ARSB: variants seen among roughly 807,000 people sequenced by gnomAD.
ARSB encodes the protein N-acetylgalactosamine-4-sulfatase.
ARSB carries 41 observed loss-of-function variants against 50.9 expected under a neutral mutation model. The ratio of observed to expected loss-of-function variants is 0.81; its 90% CI spans 0.63 to 1.04. The LOEUF is 1.04. ARSB is among the 50% of genes least tolerant of loss of function. The pLI is 0.00. For synonymous variants in ARSB, 269 were observed against 284.8 expected, an observed-to-expected ratio of 0.94 and a Z score of 0.56; for missense variants, 672 against 693.3, an observed-to-expected ratio of 0.97 and a Z score of 0.35.
At chr5:78,797,162 G>A (rs1441056702) in intron 6 of ARSB, among the ~76,000 whole-genome samples, 1 of 152,132 alleles carries the variant, frequency 6.6e-6, no homozygotes, top group Non-Finnish European at 1.5e-5. Context: ...ACAGGCGTGA[G>A]CCACCGCGCC....
chr5:78,934,963 T>C (rs1750513632), intron 4 of ARSB, among the ~76,000 whole-genome samples: 1 of 152,144 alleles, frequency 6.6e-6, no homozygotes, highest in South Asian at 2.1e-4. Flanking sequence ...TATGGTAAAC[T>C]AGCATTCATC....
chr5:78,958,713 G>A (rs1751843096), intron 3 of ARSB, among the ~76,000 whole-genome samples: 1 of 151,338 alleles, frequency 6.6e-6, no homozygotes, highest in Non-Finnish European at 1.5e-5. Flanking sequence ...CTTCCTTATT[G>A]TTCTTCTTCT....
intron 4 of ARSB, among the ~76,000 whole-genome samples, chr5:78,937,039 T>C (rs1297816007): frequency 6.6e-6 from 1 of 151,984 alleles, no homozygotes; most frequent in Non-Finnish European, 1.5e-5. Context: ...TTTTGCTTCA[T>C]CCTCCAGTGC....
chr5:78,977,346 G>T (rs1241288592), intron 1 of ARSB, among the ~76,000 whole-genome samples: 2 of 152,116 alleles, frequency 1.3e-5, no homozygotes, highest in Non-Finnish European at 2.9e-5. Flanking sequence ...TAGAGACAGG[G>T]TTTCACCATG....
intron 5 of ARSB, among the ~76,000 whole-genome samples, chr5:78,850,767 T>C (rs1229842169): frequency 1.3e-5 from 2 of 152,210 alleles, no homozygotes; most frequent in African/African-American, 2.4e-5. Context: ...GAGATTCAAC[T>C]TCTTCCTGGT....
chr5:78,962,986 T>C (rs1004441739), intron 3 of ARSB, among the ~76,000 whole-genome samples: 4 of 152,164 alleles, frequency 2.6e-5, no homozygotes, highest in Non-Finnish European at 5.9e-5. Flanking sequence ...GGTGATCTTC[T>C]TATAGTTTAG....
At chr5:78,856,591 A>G (rs1746156257) in intron 5 of ARSB, among the ~76,000 whole-genome samples, 1 of 152,216 alleles carries the variant, frequency 6.6e-6, no homozygotes, top group African/African-American at 2.4e-5. Context: ...TTTCAGCAAT[A>G]TCAACTCTTG....
At chr5:78,941,504 T>C (rs1750921168) in intron 4 of ARSB, among the ~76,000 whole-genome samples, 2 of 152,216 alleles carry the variant, frequency 1.3e-5, no homozygotes, top group Non-Finnish European at 2.9e-5. Context: ...GTTGTTGAAT[T>C]TTGTCAAAGG....
At chr5:78,871,397 A>C (rs1036749757) in intron 5 of ARSB, among the ~76,000 whole-genome samples, 2 of 151,292 alleles carry the variant, frequency 1.3e-5, no homozygotes, top group Admixed American at 1.3e-4. Flanking sequence ...GAGGCATCAC[A>C]CTACCTGACT....
chr5:78,937,981 C>A (rs1418316525), intron 4 of ARSB, among the ~76,000 whole-genome samples: 1 of 152,172 alleles, frequency 6.6e-6, no homozygotes, highest in Non-Finnish European at 1.5e-5. Context: ...CTACACCCCC[C>A]ACCCACTGTG....
At chr5:78,983,880 A>T (rs1280450946) in intron 1 of ARSB, among the ~76,000 whole-genome samples, 1 of 152,232 alleles carries the variant, frequency 6.6e-6, no homozygotes, top group Non-Finnish European at 1.5e-5. Context: ...CCCTGTCAGT[A>T]GCACAGTAAG....
intron 4 of ARSB, among the ~76,000 whole-genome samples, chr5:78,919,009 T>A (rs1749685918): frequency 6.6e-6 from 1 of 152,220 alleles, no homozygotes; most frequent in South Asian, 2.1e-4. Flanking sequence ...AATTAAGATT[T>A]GGGATTTTCC....
chr5:78,950,527 T>G (rs1307145314), intron 4 of ARSB, among the ~76,000 whole-genome samples: 1 of 152,192 alleles, frequency 6.6e-6, no homozygotes, highest in Non-Finnish European at 1.5e-5. Flanking sequence ...GGTCTGGCAG[T>G]GCTGGCACAC....
intron 6 of ARSB, among the ~76,000 whole-genome samples, chr5:78,794,344 G>C (rs535258940): frequency 6.6e-6 from 1 of 152,164 alleles, no homozygotes; most frequent in South Asian, 2.1e-4. Context: ...CACACAGAAT[G>C]AATTCAATAG....
chr5:78,961,356 T>C (rs1190646276), intron 3 of ARSB, among the ~76,000 whole-genome samples: 4 of 152,220 alleles, frequency 2.6e-5, no homozygotes, highest in Non-Finnish European at 5.9e-5. Flanking sequence ...TTCATTCACT[T>C]ATGTCTATGA....
At chr5:78,978,292 C>T (rs1438310726) in intron 1 of ARSB, among the ~76,000 whole-genome samples, 1 of 150,260 alleles carries the variant, frequency 6.7e-6, no homozygotes, top group Non-Finnish European at 1.5e-5. Context: ...TGAGCCAACA[C>T]TGTGCTCCAG....
chr5:78,955,340 T>C lies in ARSB; in HGVS notation c.853A>G (p.Lys285Glu), dbSNP rs1751672018. ...GTGTTGTTCCAGAGCCCACTGCTTT[T>C]TAAAGCTGCAGTGACATTTCCTACT... is the stretch of plus-strand genomic sequence containing the variant. ...EAVGNVTAAL[K>E]SSGLWNNTVF... Residue 285 changes from lysine to glutamate, a missense_variant, in exon 4 of 8, where the codon AAA (lysine) becomes GAA (glutamate). Physicochemically the swap from Lys to Glu is moderately conservative, Grantham distance 56 (BLOSUM62 1). Coordinates refer to ENST00000264914, the MANE Select transcript of ARSB (RefSeq NM_000046.5). 2.5e-6 allele frequency: 4 copies of C among 1,614,080 alleles called. No individual in the cohort carries two copies. The highest frequency in any genetic ancestry group is 3.4e-6 in the Non-Finnish European group (4 of 1,180,042).
At chr5:78,816,500 T>C (rs1580997137) in intron 6 of ARSB, among the ~76,000 whole-genome samples, 1 of 152,342 alleles carries the variant, frequency 6.6e-6, no homozygotes, top group Admixed American at 6.5e-5. Context: ...AAGGGCTCCA[T>C]GGTCTTCACC....
At chr5:78,890,978 A>G (rs1354910254) in intron 4 of ARSB, among the ~76,000 whole-genome samples, 3 of 151,704 alleles carry the variant, frequency 2.0e-5, no homozygotes, top group African/African-American at 7.3e-5. Flanking sequence ...TTTCTACTAT[A>G]CTTAGCTCTG....
Sources: allele counts gnomAD v4.1 joint callset (sites outside exome capture counted in the v4.1 genomes callset), GRCh38; gene constraint gnomAD v4.1.1; transcripts MANE v1.5; gene names NCBI Gene and HGNC (gene_info 2026-07-23, HGNC 2026-07-21).